The following MX2 variants were observed in gnomAD, a reference collection of about 807,000 sequenced individuals.
MX2 encodes the protein interferon-induced GTP-binding protein Mx2.
A neutral mutation model predicts 74.0 loss-of-function variants in MX2; 51 were observed. The ratio of observed to expected loss-of-function variants is 0.69; its 90% CI spans 0.55 to 0.87. The LOEUF (loss-of-function observed/expected upper bound fraction) is 0.87, where lower values mean the gene tolerates loss of function less well. Ranked by LOEUF, MX2 falls within the 40% of genes least tolerant of loss-of-function variation. The probability of loss-of-function intolerance (pLI) is 0.00; values close to 1 mark genes in which losing one functional copy is unlikely to be tolerated. For missense variants in MX2, 832 were observed against 908.7 expected (o/e 0.92, Z 1.09); for synonymous variants, 369 against 339.3 (o/e 1.09, Z -0.96).
chr21:41,397,621 T>C lies in MX2; in HGVS notation c.1079T>C (p.Leu360Pro). The C allele has an allele frequency of 6.2e-7, 1 of 1,613,992 alleles. No individual in the cohort carries two copies. The highest frequency in any genetic ancestry group is 2.2e-5 in the East Asian group (1 of 44,878). ...TGTCTGTCTCATTTCAGAGTTCTCC[T>C]GGAGGAGGGGTCAGCCACGGTTCCC... is the stretch of plus-strand genomic sequence containing the variant. Reference protein sequence around the residue: ...FQTHPYFRVLLEEGSATVPRL... With the variant: ...FQTHPYFRVLPEEGSATVPRL... The change falls in exon 8 of 14, where the codon CTG (leucine) becomes CCG (proline). Residue 360 changes from leucine (L) to proline (P), a missense_variant. Transcript: ENST00000330714.
chr21:41,378,021 G>A (rs377316872), intron 3 of MX2, 40 bp downstream of exon 3: 18 of 1,588,948 alleles, frequency 1.1e-5, no homozygotes, highest in Middle Eastern at 1.7e-4. Context: ...AGCAAGCAGC[G>A]CCACCTGTAA....
intron 1 of MX2, among the ~76,000 whole-genome samples, chr21:41,362,759 T>TC (rs2089226825): frequency 2.5e-5 from 2 of 79,262 alleles, no homozygotes; most frequent in African/African-American, 4.0e-5. Flanking sequence ...TCTTTTTTTT[T>TC]TTTTTTTTTT....
Position 41,406,888 on chromosome 21 carries a change from C to T in MX2, c.1795C>T (p.Pro599Ser), listed in dbSNP as rs369062863. The T allele has an allele frequency of 6.2e-7, 1 of 1,614,110 alleles. No individual in the cohort carries two copies. Among genetic ancestry groups the T allele is most frequent in the East Asian group, 2.2e-5 (1 of 44,882 alleles). The change falls in exon 13 of 14, where the codon CCT becomes TCT. Residue 599 changes from proline (P) to serine (S), a missense_variant. Pro to Ser is a moderately conservative substitution (Grantham distance 74, BLOSUM62 -1). Coordinates refer to ENST00000330714, the MANE Select transcript of MX2 (RefSeq NM_002463.2). ...LKKVREEIFN[P>S]LGTPSQNMKL... ...GAAAGTCCGAGAAGAGATTTTTAACCCTCTGGGGACGCCTTCACAGAATAT... is the reference window on the plus strand; with the variant it reads ...GAAAGTCCGAGAAGAGATTTTTAACTCTCTGGGGACGCCTTCACAGAATAT...
At chr21:41,385,293 T>C (rs1446132748) in intron 5 of MX2, among the ~76,000 whole-genome samples, 1 of 152,236 alleles carries the variant, frequency 6.6e-6, no homozygotes, top group Non-Finnish European at 1.5e-5. Context: ...CACTGATGGT[T>C]TGGCTGTGTC....
rs1301873339 is a variant in MX2 at position 41,368,684 on chromosome 21, A to G, written c.-72+6629A>G. Among the ~76,000 whole-genome samples the G allele has an allele frequency of 3.9e-5, 6 of 152,234 alleles. No individual in the cohort carries two copies. Among genetic ancestry groups the G allele is most frequent in the Non-Finnish European group, 7.3e-5 (5 of 68,042 alleles). On this transcript the variant is annotated intron_variant, in intron 1 of 13. Transcript: ENST00000330714. The surrounding 1 kb of genome is among the most constrained non-coding windows in gnomAD (Gnocchi z 4.6). The stretch of plus-strand genomic sequence containing the variant: ...GGCGACAGTTTTAAATATGTTTTAA[A>G]AGGAACATGAAATGAAGAATATTGG...
intron 3 of MX2, among the ~76,000 whole-genome samples, chr21:41,378,906 A>G (rs1222559005): frequency 1.3e-5 from 2 of 152,220 alleles, no homozygotes; most frequent in East Asian, 3.9e-4. Context: ...ACTGCTGCTT[A>G]CTTCTCAACC....
At chr21:41,362,098 T>G (rs2089214782) in intron 1 of MX2, 43 bp downstream of exon 1, 1 of 152,260 alleles carries the variant, frequency 6.6e-6, no homozygotes, top group Non-Finnish European at 1.5e-5. Flanking sequence ...TTGTGTCTGA[T>G]GCACAGCAGA....
intron 12 of MX2, among the ~76,000 whole-genome samples, chr21:41,405,991 A>G (rs974697150): frequency 2.0e-5 from 3 of 151,514 alleles, no homozygotes; most frequent in Non-Finnish European, 4.4e-5. Context: ...GGAATGAGCC[A>G]TCGCACCCGG....
At chr21:41,395,836 A>C (rs2089727365) in intron 7 of MX2, 51 bp downstream of exon 7, 5 of 1,591,286 alleles carry the variant, frequency 3.1e-6, no homozygotes, top group Non-Finnish European at 4.3e-6. Flanking sequence ...AAGCCAGCCC[A>C]TCTGCAAGAG....
rs780114397 is a variant in MX2 at position 41,380,190 on chromosome 21, G to C, written c.577+39G>C. 6.2e-7 allele frequency: 1 copy of C among 1,611,616 alleles called. No homozygotes were observed. Among genetic ancestry groups the C allele is most frequent in the Non-Finnish European group, 8.5e-7 (1 of 1,178,544 alleles). On this transcript the variant is annotated intron_variant, in intron 4 of 13. Transcript: ENST00000330714. The surrounding 1 kb of genome is among the most constrained non-coding windows in gnomAD (Gnocchi z 4.3). ...ATTCTGAGGTTCGGATCTGGCAGCCGCTCCTCTCACTTCCTCGGTTCCTTC... is the reference window on the plus strand; with the variant it reads ...ATTCTGAGGTTCGGATCTGGCAGCCCCTCCTCTCACTTCCTCGGTTCCTTC...
chr21:41,407,259 A>G (rs186807445), intron 13 of MX2, among the ~76,000 whole-genome samples: 1 of 152,244 alleles, frequency 6.6e-6, no homozygotes, highest in Non-Finnish European at 1.5e-5. Context: ...TTCTGACCCC[A>G]AAATTCCTTA....
rs532036223 is a variant in MX2, at chr21:41,399,463, A to C, written c.1414+126A>C. On this transcript the variant is annotated intron_variant, in intron 10 of 13. Coordinates refer to ENST00000330714, the MANE Select transcript of MX2 (RefSeq NM_002463.2). Reference sequence around the variant, plus strand: ...ATCCAAGACCGTGGAACCCTTGGTAATCAGCAACTGTCTCTCAACGAACAA... The same window carrying C: ...ATCCAAGACCGTGGAACCCTTGGTACTCAGCAACTGTCTCTCAACGAACAA... The C allele has an allele frequency of 3.5e-4, 367 of 1,045,236 alleles. 1 individual carries two copies. The Admixed American group carries it at 7.9e-3, about 23-fold the overall frequency. The allele number at this position is 1,045,236 out of a possible 1,614,324, so 64.7% of individuals were successfully genotyped here. A position where few individuals can be genotyped will look rare whatever the true frequency, so the allele number is the denominator to read the frequency against.
intron 1 of MX2, among the ~76,000 whole-genome samples, chr21:41,362,807 G>A (rs1263506580): frequency 2.3e-5 from 3 of 129,022 alleles, no homozygotes; most frequent in South Asian, 4.9e-4. Flanking sequence ...TCCCCAGGCT[G>A]GAGTGCAGTG....
chr21:41,395,874 G>A, intron 7 of MX2, 89 bp downstream of exon 7: 1 of 1,319,682 alleles, frequency 7.6e-7, no homozygotes, highest in Non-Finnish European at 1.1e-6. Context: ...CAAAGTGTAT[G>A]CACAAATTAC....
rs1246496420 is a variant in MX2 at position 41,377,806 on chromosome 21, G to A, written c.267G>A (p.Leu89=). 1.2e-6 allele frequency: 2 copies of A among 1,613,312 alleles called. No individual in the cohort carries two copies. The highest frequency in any genetic ancestry group is 1.7e-6 in the Non-Finnish European group (2 of 1,179,334). Residue 89 remains leucine, a synonymous_variant, in exon 3 of 14, where the codon CTG becomes CTA. Transcript: ENST00000330714. ...QPRAMGPENN[L]YSQYEQKVRP... ...TTCTCCAGGGGCCCGAGAACAACCT[G>A]TACAGCCAGTACGAGCAGAAGGTGC... is the stretch of plus-strand genomic sequence containing the variant.
At chr21:41,399,737 T>G (rs2089786746) in intron 10 of MX2, 1 of 162,272 alleles carries the variant, frequency 6.2e-6, no homozygotes, top group Non-Finnish European at 1.4e-5. Flanking sequence ...AGATAATTTT[T>G]GTACTTTTTT....
chr21:41,381,245 G>A (rs2089486845), intron 4 of MX2, among the ~76,000 whole-genome samples: 1 of 152,186 alleles, frequency 6.6e-6, no homozygotes, highest in East Asian at 1.9e-4. Flanking sequence ...CAGCTACTGT[G>A]GTGCTCCCAG....
intron 5 of MX2, chr21:41,390,113 G>T (rs114392675): frequency 9.4e-4 from 149 of 159,108 alleles, no homozygotes; most frequent in African/African-American, 3.3e-3. Flanking sequence ...GGCATTGCTC[G>T]CTGAGCACCT....
rs1240929933 is a variant in MX2 at position 41,388,814 on chromosome 21, C to A, written c.733-1751C>A. ...GATTCCCAGCCCAGAGCTTTTGTAC[C>A]CCCAGGGGACACTGGCAATGTCAGG... On this transcript the variant is annotated intron_variant, in intron 5 of 13. Coordinates refer to ENST00000330714, the MANE Select transcript of MX2 (RefSeq NM_002463.2). This position sits in a 1 kb window ranked among gnomAD's most constrained non-coding sequence, Gnocchi z 4.0. Among the ~76,000 whole-genome samples, 2 of 152,150 alleles carry A rather than the reference C, an allele frequency of 1.3e-5. No homozygotes were observed. The highest frequency in any genetic ancestry group is 3.9e-4 in the East Asian group (2 of 5,194).
Sources: gnomAD v4.1 joint callset for allele counts (sites outside exome capture counted in the v4.1 genomes callset) on GRCh38, gnomAD v4.1.1 for gene constraint, Gnocchi (gnomAD v3.1) non-coding constraint, MANE v1.5 for transcripts, NCBI Gene and HGNC (gene_info 2026-07-23, HGNC 2026-07-21) for gene names.